The following UBTD2 variants were observed in gnomAD, a reference collection of about 807,000 sequenced individuals.
The protein encoded by UBTD2 is ubiquitin domain-containing protein 2.
UBTD2 carries 9 observed loss-of-function variants against 19.8 expected under a neutral mutation model. The ratio of observed to expected loss-of-function variants is 0.46; its 90% CI spans 0.27 to 0.79. The LOEUF is 0.79. UBTD2 is among the 30% of genes least tolerant of loss of function. UBTD2 has a pLI of 0.14. For synonymous variants in UBTD2, 98 were observed against 103.9 expected, an observed-to-expected ratio of 0.94 and a Z score of 0.35; for missense variants, 250 against 300.4, an observed-to-expected ratio of 0.83 and a Z score of 1.24.
intron 1 of UBTD2, among the ~76,000 whole-genome samples, chr5:172,280,849 T>G (rs1291178263): frequency 6.6e-6 from 1 of 152,058 alleles, no homozygotes; most frequent in Non-Finnish European, 1.5e-5. Flanking sequence ...TCTCCCAAAT[T>G]CCTTCAAAGA....
chr5:172,276,034 C>G (rs1316499469), intron 1 of UBTD2, among the ~76,000 whole-genome samples: 1 of 152,196 alleles, frequency 6.6e-6, no homozygotes, highest in Non-Finnish European at 1.5e-5. Flanking sequence ...CAATGCTTCT[C>G]AAACATTAAT....
At chr5:172,254,535 C>A in intron 1 of UBTD2, 1 of 594,024 alleles carries the variant, frequency 1.7e-6, no homozygotes, top group Non-Finnish European at 3.0e-6. Flanking sequence ...GCATCCTTCC[C>A]ATGTACATTT....
rs1318600412 is a variant in UBTD2, at chr5:172,223,326, C to CA, written c.307+10795dup. Among the ~76,000 whole-genome samples, 4 of 151,952 alleles carry CA rather than the reference C, an allele frequency of 2.6e-5. No homozygotes were observed. In the East Asian group the frequency reaches 7.7e-4, roughly 29 times the overall value. ...TAATATAAAAAAGCAAACACTTGGC[C>CA]AGGCATGGTGGCTCATGACTGTAAT... On this transcript the variant is annotated intron_variant, in intron 2 of 2. Coordinates refer to ENST00000393792, the MANE Select transcript of UBTD2 (RefSeq NM_152277.3).
intron 1 of UBTD2, among the ~76,000 whole-genome samples, chr5:172,255,774 C>G (rs1755132374): frequency 6.6e-6 from 1 of 152,096 alleles, no homozygotes; most frequent in Admixed American, 6.6e-5. Context: ...AGGGTCAGGG[C>G]TGAATTCTTA....
At chr5:172,261,625 A>G (rs1279771350) in intron 1 of UBTD2, among the ~76,000 whole-genome samples, 3 of 151,714 alleles carry the variant, frequency 2.0e-5, no homozygotes, top group Admixed American at 1.3e-4. Context: ...AACCACTCAC[A>G]TACACTTTTT....
Position 172,271,863 on chromosome 5 carries a change from T to C in UBTD2, c.70+11733A>G, listed in dbSNP as rs1353936330. On this transcript the variant is annotated intron_variant, in intron 1 of 2. Coordinates refer to ENST00000393792, the MANE Select transcript of UBTD2 (RefSeq NM_152277.3). Reference sequence around the variant, plus strand: ...CAAAGAAATAGTCTCACCTTGCTTATACCTAAAAGCCCACTACAATAAATG... The same window carrying C: ...CAAAGAAATAGTCTCACCTTGCTTACACCTAAAAGCCCACTACAATAAATG... Among the ~76,000 whole-genome samples, 3 of 152,238 alleles carry C rather than the reference T, an allele frequency of 2.0e-5. No individual in the cohort carries two copies. In the East Asian group the frequency reaches 5.8e-4, roughly 29 times the overall value.
At chr5:172,284,107 C>G (rs923070965), upstream of UBTD2, 3 of 150,860 alleles carry the variant, frequency 2.0e-5, no homozygotes, top group Non-Finnish European at 4.5e-5. Flanking sequence ...CGGCCCGGCC[C>G]GCCCGGAATC....
At position 172,279,194 on chromosome 5, in the gene UBTD2, G is replaced by C. The variant is rs527446206; in HGVS notation, c.70+4402C>G. On this transcript the variant is annotated intron_variant, in intron 1 of 2. Coordinates refer to ENST00000393792, the MANE Select transcript of UBTD2 (RefSeq NM_152277.3). ...TTATAAGCTATGTGATGATGAGCAA[G>C]TTATTAAAGGTTGGTGCAAAAGTAA... Among the ~76,000 whole-genome samples the C allele has an allele frequency of 6.6e-5, 10 of 152,342 alleles. No individual in the cohort carries two copies. In the East Asian group the frequency reaches 1.5e-3, roughly 24 times the overall value.
At chr5:172,218,817 T>TAAAAAAAA (rs1554127124) in intron 2 of UBTD2, among the ~76,000 whole-genome samples, 1 of 89,654 alleles carries the variant, frequency 1.1e-5, no homozygotes, top group African/African-American at 3.7e-5. Flanking sequence ...AAATAAAAAA[T>TAAAAAAAA]AAAAATAAAA....
At chr5:172,215,751 G>T (rs1771528032) in intron 2 of UBTD2, among the ~76,000 whole-genome samples, 1 of 152,006 alleles carries the variant, frequency 6.6e-6, no homozygotes, top group South Asian at 2.1e-4. Context: ...ATTCTAAAAA[G>T]AACCAAAAAG....
At chr5:172,263,842 C>G (rs1396673671) in intron 1 of UBTD2, among the ~76,000 whole-genome samples, 1 of 50,302 alleles carries the variant, frequency 2.0e-5, no homozygotes, top group Admixed American at 2.0e-4. Context: ...AGATACAATG[C>G]ACGTGCCTCT....
chr5:172,256,535 T>TG (rs1755156590), intron 1 of UBTD2, among the ~76,000 whole-genome samples: 1 of 151,850 alleles, frequency 6.6e-6, no homozygotes, highest in Non-Finnish European at 1.5e-5. Flanking sequence ...CCCAGCTTTT[T>TG]TTTTTTTTTT....
At chr5:172,278,856 C>T (rs1209980354) in intron 1 of UBTD2, among the ~76,000 whole-genome samples, 1 of 152,110 alleles carries the variant, frequency 6.6e-6, no homozygotes, top group Non-Finnish European at 1.5e-5. Flanking sequence ...CTCACTGCAA[C>T]CTCTGCCTCC....
chr5:172,273,509 T>C (rs1755540445), intron 1 of UBTD2, among the ~76,000 whole-genome samples: 1 of 145,944 alleles, frequency 6.9e-6, no homozygotes, highest in Non-Finnish European at 1.5e-5. Flanking sequence ...GAGAATCGCT[T>C]GAACCTGGGA....
intron 2 of UBTD2, among the ~76,000 whole-genome samples, chr5:172,217,244 T>G (rs970164192): frequency 1.4e-5 from 2 of 138,370 alleles, no homozygotes; most frequent in Non-Finnish European, 3.1e-5. Flanking sequence ...AAACCCTGTC[T>G]GTAGTAAAAA....
At chr5:172,242,912 T>C (rs1772160251) in intron 1 of UBTD2, among the ~76,000 whole-genome samples, 1 of 152,206 alleles carries the variant, frequency 6.6e-6, no homozygotes, top group South Asian at 2.1e-4. Flanking sequence ...GTAGTAAGGA[T>C]TCATGAACTT....
At chr5:172,224,618 T>C (rs1370846988) in intron 2 of UBTD2, among the ~76,000 whole-genome samples, 10 of 152,142 alleles carry the variant, frequency 6.6e-5, no homozygotes, top group Non-Finnish European at 1.5e-5. Flanking sequence ...TAAGGGACTC[T>C]TCCCGCTCTG....
chr5:172,280,590 T>C (rs1755692931), intron 1 of UBTD2, among the ~76,000 whole-genome samples: 2 of 151,264 alleles, frequency 1.3e-5, no homozygotes, highest in African/African-American at 4.9e-5. Flanking sequence ...AGTTCAAGGC[T>C]GCAGTAATCT....
At position 172,217,693 on chromosome 5, in the gene UBTD2, A is replaced by G. The variant is rs549157198; in HGVS notation, c.308-5466T>C. The stretch of plus-strand genomic sequence containing the variant: ...GTAGAGGCAGGGTTTTGCCATGTTC[A>G]TGTTGTCCAGGCTGGTCTCAAACTC... On this transcript the variant is annotated intron_variant, in intron 2 of 2. Coordinates refer to ENST00000393792, the MANE Select transcript of UBTD2 (RefSeq NM_152277.3). Among the ~76,000 whole-genome samples the G allele has an allele frequency of 2.6e-5, 4 of 152,166 alleles. No homozygotes were observed. In the South Asian group the frequency reaches 8.3e-4, roughly 32 times the overall value.
Sources: allele counts gnomAD v4.1 joint callset (sites outside exome capture counted in the v4.1 genomes callset), GRCh38; gene constraint gnomAD v4.1.1; transcripts MANE v1.5; gene names NCBI Gene and HGNC (gene_info 2026-07-23, HGNC 2026-07-21).